GRID2: variants seen among roughly 807,000 people sequenced by gnomAD.
GRID2 encodes the protein glutamate ionotropic receptor delta type subunit 2, also known as glutamate receptor ionotropic, delta-2.
Under a neutral mutation model 114.8 loss-of-function variants are expected in GRID2, and 33 were observed. The ratio of observed to expected loss-of-function variants is 0.29; its 90% CI spans 0.22 to 0.38. GRID2 has a LOEUF of 0.38. Ranked by LOEUF, GRID2 falls within the 10% of genes least tolerant of loss-of-function variation. The pLI is 1.00. For synonymous variants in GRID2, 505 were observed against 449.9 expected (o/e 1.12, Z -1.55); for missense variants, 1,184 against 1,257.7 (o/e 0.94, Z 0.89).
In GRID2 at chr4:93,419,043, A is replaced by T. The variant is rs139765947; in HGVS notation, c.1348-3728A>T. Among the ~76,000 whole-genome samples, 1,093 of 145,088 alleles carry T rather than the reference A, an allele frequency of 7.5e-3. 12 individuals carry two copies. Among genetic ancestry groups the T allele is most frequent in the African/African-American group, 0.027 (1,025 of 38,650 alleles). On this transcript the variant is annotated intron_variant, in intron 9 of 15. Transcript: ENST00000282020. ...AGTTTTCTGATCTATTAAAAAAGAT[A>T]TAGCTGGTAATCCCCAAAATCATGA...
intron 1 of GRID2, among the ~76,000 whole-genome samples, chr4:92,429,504 AAGAGCTT>A (rs1256484408): frequency 6.6e-6 from 1 of 152,142 alleles, no homozygotes; most frequent in East Asian, 1.9e-4. Flanking sequence ...TCTGTTGATG[AAGAGCTT>A]AGGTTGCTTC....
At chr4:92,960,541 T>C (rs1752731714) in intron 2 of GRID2, among the ~76,000 whole-genome samples, 1 of 152,022 alleles carries the variant, frequency 6.6e-6, no homozygotes, top group Non-Finnish European at 1.5e-5. Context: ...CTATCCTTGC[T>C]CTGACGTCGG....
intron 8 of GRID2, among the ~76,000 whole-genome samples, chr4:93,373,536 A>G (rs1443739217): frequency 6.6e-6 from 1 of 152,156 alleles, no homozygotes. Context: ...CATATTTTAT[A>G]TATCTTTATA....
At chr4:92,903,345 A>G (rs1053031476) in intron 2 of GRID2, among the ~76,000 whole-genome samples, 3 of 151,988 alleles carry the variant, frequency 2.0e-5, no homozygotes, top group Non-Finnish European at 4.4e-5. Context: ...AAAATTGCAA[A>G]GTAAGTAAAT....
intron 1 of GRID2, among the ~76,000 whole-genome samples, chr4:92,408,626 A>AT (rs1731148648): frequency 1.4e-5 from 2 of 142,420 alleles, no homozygotes; most frequent in African/African-American, 2.8e-5. Context: ...AATATTTATT[A>AT]TTATTTTTTT....
chr4:93,786,425 G>A (rs1734593229), intron 1 of GRID2, among the ~76,000 whole-genome samples: 1 of 152,048 alleles, frequency 6.6e-6, no homozygotes, highest in Admixed American at 6.6e-5. Flanking sequence ...ATATGAAGGA[G>A]CCAGTAGAGG....
chr4:93,127,843 C>G (rs118121370), intron 4 of GRID2, among the ~76,000 whole-genome samples: 1 of 151,462 alleles, frequency 6.6e-6, no homozygotes, highest in Non-Finnish European at 1.5e-5. Flanking sequence ...TAGGGAGACC[C>G]TATCTCTACA....
intron 1 of GRID2, among the ~76,000 whole-genome samples, chr4:92,388,375 A>G (rs1513460): frequency 0.33 from 49,678 of 151,762 alleles, 9,237 homozygotes; most frequent in East Asian, 0.71. Context: ...TACCACGGTT[A>G]CAATAGTATC....
At chr4:92,771,232 G>A (rs1417080838) in intron 2 of GRID2, among the ~76,000 whole-genome samples, 1 of 152,132 alleles carries the variant, frequency 6.6e-6, no homozygotes, top group Admixed American at 6.5e-5. Flanking sequence ...GCAGTCGTTA[G>A]TATCACAAGA....
At chr4:92,541,199 C>T (rs187833589) in intron 1 of GRID2, among the ~76,000 whole-genome samples, 3 of 151,760 alleles carry the variant, frequency 2.0e-5, no homozygotes, top group African/African-American at 7.2e-5. Context: ...TGTTAAATGA[C>T]GAGTTACTGG....
chr4:93,052,133 C>T (rs1404710355), intron 2 of GRID2, among the ~76,000 whole-genome samples: 1 of 151,872 alleles, frequency 6.6e-6, no homozygotes, highest in East Asian at 1.9e-4. Flanking sequence ...GTTTATATCA[C>T]AAGTCAATTT....
chr4:93,634,463 T>C (rs1041894969), intron 14 of GRID2, among the ~76,000 whole-genome samples: 3 of 152,186 alleles, frequency 2.0e-5, no homozygotes, highest in African/African-American at 7.2e-5. Flanking sequence ...TCTACTACAC[T>C]AAACACTTGA....
At chr4:92,372,848 G>A (rs201314020) in intron 1 of GRID2, among the ~76,000 whole-genome samples, 2 of 152,242 alleles carry the variant, frequency 1.3e-5, no homozygotes, top group East Asian at 3.9e-4. Context: ...TGCTGTATAA[G>A]TTATACTCCA....
At chr4:92,742,204 G>A (rs1736926059) in intron 2 of GRID2, among the ~76,000 whole-genome samples, 3 of 152,032 alleles carry the variant, frequency 2.0e-5, no homozygotes, top group South Asian at 4.1e-4. Flanking sequence ...ATTTCTGTAA[G>A]TGAGAATTTT....
At chr4:92,868,028 C>G (rs947880514) in intron 2 of GRID2, among the ~76,000 whole-genome samples, 1 of 100,634 alleles carries the variant, frequency 9.9e-6, no homozygotes, top group South Asian at 4.1e-4. Context: ...TTCTTTCTTT[C>G]TTTCTTTCTT....
intron 8 of GRID2, among the ~76,000 whole-genome samples, chr4:93,299,415 T>A (rs985106937): frequency 4.0e-5 from 6 of 149,798 alleles, no homozygotes; most frequent in African/African-American, 1.5e-4. Context: ...AAGCGCATTT[T>A]GCTGTTTGAA....
At chr4:93,569,467 C>G (rs1324215348) in intron 13 of GRID2, among the ~76,000 whole-genome samples, 4 of 152,150 alleles carry the variant, frequency 2.6e-5, no homozygotes, top group Admixed American at 6.6e-5. Flanking sequence ...GTCAAAGCTT[C>G]CATAATTTTA....
chr4:93,789,726 G>A (rs528600114), intron 1 of GRID2, among the ~76,000 whole-genome samples: 3 of 152,154 alleles, frequency 2.0e-5, no homozygotes, highest in Admixed American at 6.5e-5. Context: ...GAGTAGTTTC[G>A]GAGGCTAGTT....
chr4:92,861,408 G>A (rs1744523664), intron 2 of GRID2, among the ~76,000 whole-genome samples: 1 of 152,020 alleles, frequency 6.6e-6, no homozygotes, highest in Admixed American at 6.6e-5. Flanking sequence ...ACACTAGTGC[G>A]AAGGAAATCT....
Sources: gnomAD v4.1 joint callset for allele counts (sites outside exome capture counted in the v4.1 genomes callset) on GRCh38, gnomAD v4.1.1 for gene constraint, MANE v1.5 for transcripts, NCBI Gene and HGNC (gene_info 2026-07-23, HGNC 2026-07-21) for gene names.